The following KCNIP4 variants were observed in gnomAD, a reference collection of about 807,000 sequenced individuals.
The protein encoded by KCNIP4 is Kv channel-interacting protein 4.
In KCNIP4, 12 loss-of-function variants were observed where a neutral mutation model predicts 34.0. That is an observed-to-expected ratio of 0.35 (90% confidence interval 0.23 to 0.57). The LOEUF is 0.57. Ranked by LOEUF, KCNIP4 falls within the 20% of genes least tolerant of loss-of-function variation. The pLI is 0.83. For synonymous variants in KCNIP4, 124 were observed against 102.2 expected, an observed-to-expected ratio of 1.21 and a Z score of -1.29; for missense variants, 238 against 311.7, an observed-to-expected ratio of 0.76 and a Z score of 1.78.
chr4:21,806,275 A>C (rs966927960), intron 1 of KCNIP4, among the ~76,000 whole-genome samples: 1 of 152,198 alleles, frequency 6.6e-6, no homozygotes, highest in Non-Finnish European at 1.5e-5. Flanking sequence ...ATTCAGTACA[A>C]TATAGCACCC....
At chr4:21,486,579 C>G (rs1338950263) in intron 1 of KCNIP4, among the ~76,000 whole-genome samples, 9 of 152,080 alleles carry the variant, frequency 5.9e-5, no homozygotes, top group Non-Finnish European at 8.8e-5. Context: ...TGACTGAAAG[C>G]TAAAGAATAT....
chr4:21,128,642 A>G (rs945324094), intron 1 of KCNIP4, among the ~76,000 whole-genome samples: 12 of 152,198 alleles, frequency 7.9e-5, no homozygotes, highest in African/African-American at 2.7e-4. Flanking sequence ...TGCATACCTC[A>G]TTTAGAGAAA....
chr4:20,835,255 C>T (rs28617657), intron 3 of KCNIP4, among the ~76,000 whole-genome samples: 2,938 of 152,010 alleles, frequency 0.019, 82 homozygotes, highest in African/African-American at 0.06. Flanking sequence ...TCTCTTCCAG[C>T]TTTACTGATC....
chr4:21,568,278 T>C (rs1217164335), intron 1 of KCNIP4, among the ~76,000 whole-genome samples: 1 of 151,858 alleles, frequency 6.6e-6, no homozygotes, highest in East Asian at 1.9e-4. Context: ...TATGATGAGG[T>C]CATAGTGGAG....
chr4:21,276,258 C>T (rs1240346644), intron 1 of KCNIP4, among the ~76,000 whole-genome samples: 2 of 152,182 alleles, frequency 1.3e-5, no homozygotes, highest in South Asian at 2.1e-4. Context: ...ACCTTGGTTC[C>T]AGACTTCTAG....
intron 1 of KCNIP4, among the ~76,000 whole-genome samples, chr4:21,239,325 CAT>C (rs1331410861): frequency 2.7e-5 from 4 of 148,896 alleles, no homozygotes; most frequent in Non-Finnish European, 6.0e-5. Flanking sequence ...GCAAGGACTT[CAT>C]GTCTAAAACA....
intron 1 of KCNIP4, among the ~76,000 whole-genome samples, chr4:21,742,390 C>T (rs1416983463): frequency 2.0e-5 from 3 of 152,160 alleles, no homozygotes; most frequent in Non-Finnish European, 4.4e-5. Context: ...AAGCAACCTT[C>T]CTGATTGCGA....
intron 1 of KCNIP4, among the ~76,000 whole-genome samples, chr4:21,289,920 TC>T (rs1239561359): frequency 6.6e-6 from 1 of 152,090 alleles, no homozygotes; most frequent in East Asian, 1.9e-4. Flanking sequence ...ATTCCAATTT[TC>T]CCTTGCAGAG....
intron 1 of KCNIP4, among the ~76,000 whole-genome samples, chr4:21,448,681 G>A (rs185301009): frequency 1.6e-4 from 25 of 152,206 alleles, no homozygotes; most frequent in Non-Finnish European, 2.9e-4. Context: ...AGAAAACTGT[G>A]CTCTGGACAG....
rs7684901 is a variant in KCNIP4 at position 21,291,867 on chromosome 4, A to G, written c.62-409158T>C. ...AGACTCCGCCTCAAAAAAAAAAAAA[A>G]AAAGAAAGAAAGAAAGAAAGAAAGA... On this transcript the variant is annotated intron_variant, in intron 1 of 8. Coordinates refer to ENST00000382152, the MANE Select transcript of KCNIP4 (RefSeq NM_025221.6). Among the ~76,000 whole-genome samples, 314 of 50,976 alleles carry G rather than the reference A, an allele frequency of 6.2e-3. 12 individuals are homozygous for G. Among genetic ancestry groups the G allele is most frequent in the Admixed American group, 0.024 (83 of 3,470 alleles). The allele number at this position is 50,976 out of a possible 152,430, so 33.4% of individuals were successfully genotyped here. A position where few individuals can be genotyped will look rare whatever the true frequency, so the allele number is the denominator to read the frequency against.
intron 1 of KCNIP4, among the ~76,000 whole-genome samples, chr4:21,169,660 T>TTGTGTGTGTGTG (rs58544791): frequency 1.4e-4 from 19 of 136,208 alleles, no homozygotes; most frequent in Non-Finnish European, 2.0e-4. Flanking sequence ...TACTTTATAT[T>TTGTGTGTGTGTG]TGTGTGTGTG....
At chr4:21,158,198 A>G (rs952976749) in intron 1 of KCNIP4, among the ~76,000 whole-genome samples, 1 of 152,118 alleles carries the variant, frequency 6.6e-6, no homozygotes, top group Non-Finnish European at 1.5e-5. Flanking sequence ...CTAGGCCCAG[A>G]TGGTTTTGCC....
chr4:21,058,289 A>G (rs1577612681), intron 1 of KCNIP4, among the ~76,000 whole-genome samples: 1 of 152,286 alleles, frequency 6.6e-6, no homozygotes, highest in East Asian at 1.9e-4. Context: ...GAAGAGATGC[A>G]GTAGAACAAG....
At chr4:20,820,532 T>C (rs977497356) in intron 3 of KCNIP4, among the ~76,000 whole-genome samples, 3 of 152,086 alleles carry the variant, frequency 2.0e-5, no homozygotes, top group Non-Finnish European at 4.4e-5. Context: ...CCTGGCCAGA[T>C]TGTAAAGAAT....
intron 3 of KCNIP4, among the ~76,000 whole-genome samples, chr4:20,803,723 GAGAGAGGA>G (rs1340506683): frequency 2.5e-5 from 3 of 119,000 alleles, no homozygotes; most frequent in Non-Finnish European, 3.5e-5. Context: ...GAGAGAGAGA[GAGAGAGGA>G]AGGAAGGAAG....
At chr4:21,027,251 T>C (rs1434937587) in intron 1 of KCNIP4, among the ~76,000 whole-genome samples, 1 of 152,146 alleles carries the variant, frequency 6.6e-6, no homozygotes, top group East Asian at 1.9e-4. Context: ...TAAAGTTTTA[T>C]TGGCACATGG....
chr4:21,555,824 T>C (rs1291096305), intron 1 of KCNIP4, among the ~76,000 whole-genome samples: 1 of 152,148 alleles, frequency 6.6e-6, no homozygotes, highest in Non-Finnish European at 1.5e-5. Context: ...CTGTGACTCA[T>C]GTCCCCAGTC....
intron 1 of KCNIP4, among the ~76,000 whole-genome samples, chr4:21,455,808 C>CATATATATATAT (rs1171436191): frequency 1.4e-5 from 1 of 71,928 alleles, no homozygotes; most frequent in Non-Finnish European, 2.4e-5. Flanking sequence ...TACAGATATT[C>CATATATATATAT]ATATATATAT....
At chr4:21,525,534 T>A (rs1037035825) in intron 1 of KCNIP4, among the ~76,000 whole-genome samples, 1 of 152,120 alleles carries the variant, frequency 6.6e-6, no homozygotes, top group African/African-American at 2.4e-5. Flanking sequence ...ACAAAATAAG[T>A]GGTATCCTAA....
Sources: gnomAD v4.1 joint callset for allele counts (sites outside exome capture counted in the v4.1 genomes callset) on GRCh38, gnomAD v4.1.1 for gene constraint, MANE v1.5 for transcripts, NCBI Gene and HGNC (gene_info 2026-07-23, HGNC 2026-07-21) for gene names.